FER1L6: variants seen among roughly 807,000 people sequenced by gnomAD.
The protein encoded by FER1L6 is fer-1 like family member 6.
A neutral mutation model predicts 219.2 loss-of-function variants in FER1L6; 177 were observed. That is an observed-to-expected ratio of 0.81 (90% CI 0.71 to 0.91). The LOEUF is 0.91. FER1L6 is among the 40% of genes least tolerant of loss of function. FER1L6 has a pLI of 0.00. For missense variants in FER1L6, 2,153 were observed against 2,259.9 expected (o/e 0.95, Z 0.96); for synonymous variants, 768 against 824.3 (o/e 0.93, Z 1.17).
chr8:123,994,989 T>C (rs1000070603), intron 12 of FER1L6, among the ~76,000 whole-genome samples: 9 of 152,256 alleles, frequency 5.9e-5, no homozygotes, highest in African/African-American at 9.6e-5. Context: ...TGAGATTCTC[T>C]GGTGGGAGTG....
chr8:124,019,784 G>A (rs1818375384), intron 16 of FER1L6, among the ~76,000 whole-genome samples: 1 of 152,178 alleles, frequency 6.6e-6, no homozygotes. Flanking sequence ...TAGGTAAACA[G>A]AAAATACATA....
intron 26 of FER1L6, among the ~76,000 whole-genome samples, chr8:124,066,175 C>T (rs1820822120): frequency 6.6e-6 from 1 of 152,152 alleles, no homozygotes; most frequent in South Asian, 2.1e-4. Context: ...TCTAATTCTC[C>T]ACACATCCTT....
chr8:124,058,847 C>T (rs571580298), intron 22 of FER1L6: 1 of 152,354 alleles, frequency 6.6e-6, no homozygotes, highest in East Asian at 1.9e-4. Flanking sequence ...GCTTCTTGAT[C>T]TGGGCTGGTG....
intron 39 of FER1L6, among the ~76,000 whole-genome samples, chr8:124,116,812 T>C (rs1483794736): frequency 6.6e-6 from 1 of 152,202 alleles, no homozygotes; most frequent in Non-Finnish European, 1.5e-5. Context: ...TCTCTGGAAA[T>C]AAGACTGTTT....
In FER1L6 at chr8:124,091,445, G is replaced by T; in HGVS notation, c.4414G>T (p.Asp1472Tyr). 6.2e-7 allele frequency: 1 copy of T among 1,613,464 alleles called. No homozygotes were observed. Among genetic ancestry groups the T allele is most frequent in the East Asian group, 2.2e-5 (1 of 44,816 alleles). The change falls in exon 34 of 41, where the codon GAC becomes TAC. Residue 1472 changes from aspartate to tyrosine, a missense_variant. Physicochemically the swap from Asp to Tyr is radical, Grantham distance 160 (BLOSUM62 -3). Transcript: ENST00000522917. ...CAGAGAAGGATACAATGCCTGGAGA[G>T]ACACGTCCAAACCCACCGAAATCCT... ...YEIEGYNAWRDTSKPTEILTK... is the reference protein window; with the variant it reads ...YEIEGYNAWRYTSKPTEILTK...
At chr8:123,951,114 C>T (rs992223393) in intron 1 of FER1L6, among the ~76,000 whole-genome samples, 1 of 152,172 alleles carries the variant, frequency 6.6e-6, no homozygotes, top group South Asian at 2.1e-4. Context: ...TTAGATTTCT[C>T]TTTGAGAGGA....
At chr8:124,077,101 A>G (rs903227291) in intron 32 of FER1L6, among the ~76,000 whole-genome samples, 1 of 152,084 alleles carries the variant, frequency 6.6e-6, no homozygotes, top group Non-Finnish European at 1.5e-5. Flanking sequence ...CCTGGGTTTC[A>G]CTCTGCTACA....
chr8:123,912,583 T>A (rs575719377), intron 1 of FER1L6, among the ~76,000 whole-genome samples: 16 of 152,218 alleles, frequency 1.1e-4, no homozygotes, highest in African/African-American at 3.4e-4. Flanking sequence ...TTTTTGAGAA[T>A]CTGCCTTAAT....
intron 1 of FER1L6, among the ~76,000 whole-genome samples, chr8:123,866,727 C>T (rs114555065): frequency 6.6e-6 from 1 of 152,106 alleles, no homozygotes; most frequent in African/African-American, 2.4e-5. Context: ...AAGCGATCCT[C>T]CTGCCTCAGC....
chr8:123,984,865 T>G (rs910990724), intron 11 of FER1L6: 3 of 152,182 alleles, frequency 2.0e-5, no homozygotes, highest in Non-Finnish European at 4.4e-5. Context: ...CTTTATTTCC[T>G]TAGATTGTCC....
At chr8:124,026,392 A>G (rs1818707843) in intron 18 of FER1L6, among the ~76,000 whole-genome samples, 1 of 152,172 alleles carries the variant, frequency 6.6e-6, no homozygotes, top group African/African-American at 2.4e-5. Flanking sequence ...GCTCAAAATC[A>G]TGCCATAGAG....
At position 124,023,536 on chromosome 8, in the gene FER1L6, T is replaced by C. The variant is rs1306922848; in HGVS notation, c.2226T>C (p.Tyr742=). 1 of 1,614,206 alleles carries C rather than the reference T, an allele frequency of 6.2e-7. No homozygotes were observed. Among genetic ancestry groups the C allele is most frequent in the East Asian group, 2.2e-5 (1 of 44,880 alleles). Reference sequence around the variant, plus strand: ...GCATCGCCTCCAAAGACCTCCTCTATTCCCCTGTCGCGGGGCAGATGGGCA... The same window carrying C: ...GCATCGCCTCCAAAGACCTCCTCTACTCCCCTGTCGCGGGGCAGATGGGCA... ...YARIASKDLL[Y]SPVAGQMGKH... is the part of the protein sequence containing the mutation. Residue 742 remains tyrosine, a synonymous_variant, in exon 18 of 41, where the codon TAT becomes TAC. Transcript: ENST00000522917.
At chr8:124,080,971 C>G (rs1482414576) in intron 32 of FER1L6, among the ~76,000 whole-genome samples, 1 of 152,234 alleles carries the variant, frequency 6.6e-6, no homozygotes, top group East Asian at 1.9e-4. Context: ...GTCACTGGAG[C>G]TGTCCAGCGT....
intron 39 of FER1L6, among the ~76,000 whole-genome samples, chr8:124,112,945 T>C (rs1823082403): frequency 1.3e-5 from 2 of 152,178 alleles, no homozygotes. Context: ...ATAGCACACA[T>C]ATGTATACCA....
chr8:124,021,605 C>A lies in FER1L6; in HGVS notation c.2069C>A (p.Ser690Tyr), dbSNP rs1818455452. Residue 690 changes from serine (S) to tyrosine (Y), a missense_variant, in exon 17 of 41, where the codon TCT becomes TAT. Transcript: ENST00000522917. ...GIIQQQKKKL[S>Y]VDEMIHEAQN... The stretch of plus-strand genomic sequence containing the variant: ...ATTCAGCAGCAGAAGAAAAAGTTAT[C>A]TGTTGATGAAATGATTCACGAAGCC... 6.2e-7 allele frequency: 1 copy of A among 1,614,122 alleles called. No individual in the cohort carries two copies. The highest frequency in any genetic ancestry group is 1.3e-5 in the African/African-American group (1 of 75,034).
At chr8:124,039,046 C>A (rs1384118344) in intron 19 of FER1L6, among the ~76,000 whole-genome samples, 1 of 152,192 alleles carries the variant, frequency 6.6e-6, no homozygotes, top group Non-Finnish European at 1.5e-5. Context: ...TGAGGTTTCC[C>A]CACTGAACCC....
At chr8:124,065,012 A>C (rs1820762544) in intron 26 of FER1L6, among the ~76,000 whole-genome samples, 1 of 152,196 alleles carries the variant, frequency 6.6e-6, no homozygotes, top group African/African-American at 2.4e-5. Flanking sequence ...GAACCACAAA[A>C]CAAGGATATA....
Position 124,064,399 on chromosome 8 carries a change from C to A in FER1L6, c.3381C>A (p.Ser1127=), listed in dbSNP as rs1554641948. The change falls in exon 26 of 41, where the codon TCC becomes TCA. Residue 1127 remains serine (S), a synonymous_variant. Coordinates refer to ENST00000522917, the MANE Select transcript of FER1L6 (RefSeq NM_001039112.2). ...ATESSGAHSS[S]QDPPADHIYV... ...AGTCCTCTGGAGCCCACAGCTCCTC[C>A]CAGGATCCCCCAGCAGATCACATTT... 1 of 1,613,306 alleles carries A rather than the reference C, an allele frequency of 6.2e-7. No individual in the cohort carries two copies. The highest frequency in any genetic ancestry group is 8.5e-7 in the Non-Finnish European group (1 of 1,179,808).
chr8:124,061,894 T>C lies in FER1L6; in HGVS notation c.3190T>C (p.Cys1064Arg). The C allele has an allele frequency of 6.2e-7, 1 of 1,614,110 alleles. No homozygotes were observed. Among genetic ancestry groups the C allele is most frequent in the Non-Finnish European group, 8.5e-7 (1 of 1,180,002 alleles). ...NELLHPPLSI[C>R]VVDWRAFGRS... The stretch of plus-strand genomic sequence containing the variant: ...GCTTCTGCACCCGCCACTGAGCATC[T>C]GCGTGGTGGACTGGAGAGCTTTTGG... Residue 1064 changes from cysteine (C) to arginine (R), a missense_variant, in exon 25 of 41, where the codon TGC (cysteine) becomes CGC (arginine). By Grantham distance (180) the Cys-to-Arg change is radical. Coordinates refer to ENST00000522917, the MANE Select transcript of FER1L6 (RefSeq NM_001039112.2).
Sources: allele counts gnomAD v4.1 joint callset (sites outside exome capture counted in the v4.1 genomes callset), GRCh38; gene constraint gnomAD v4.1.1; transcripts MANE v1.5; gene names NCBI Gene and HGNC (gene_info 2026-07-23, HGNC 2026-07-21).